The following VWDE variants were observed in gnomAD, a reference collection of about 807,000 sequenced individuals.
VWDE encodes von Willebrand factor D and EGF domains.
Under a neutral mutation model 178.4 loss-of-function variants are expected in VWDE, and 207 were observed. The ratio of observed to expected loss-of-function variants is 1.16; its 90% CI spans 1.04 to 1.30. The LOEUF (loss-of-function observed/expected upper bound fraction) is 1.30. Ranked by LOEUF, VWDE falls within the 50% of genes most tolerant of loss-of-function variation. The pLI, the probability that VWDE is intolerant of heterozygous loss-of-function variation, is 0.00. For synonymous variants in VWDE, 738 were observed against 651.4 expected (o/e 1.13, Z -2.02); for missense variants, 2,287 against 1,901.3 (o/e 1.20, Z -3.77).
intron 27 of VWDE, 127 bp from the exon 28 acceptor site, chr7:12,333,695 C>A: frequency 1.6e-6 from 1 of 644,972 alleles, no homozygotes; most frequent in East Asian, 2.8e-5. Flanking sequence ...TATTAATGAA[C>A]CATCAATGAA....
chr7:12,361,495 T>C lies in VWDE; in HGVS notation c.2925A>G (p.Gly975=), dbSNP rs1251134224. The C allele has an allele frequency of 6.5e-7, 1 of 1,549,398 alleles. No homozygotes were observed. The highest frequency in any genetic ancestry group is 8.7e-7 in the Non-Finnish European group (1 of 1,146,080). The change falls in exon 14 of 29, where the codon GGA becomes GGG. Residue 975 remains glycine, a synonymous_variant. Transcript: ENST00000275358. ...LQYNSSEWMP[G]EPIYTQTVFH... Reference sequence around the variant, plus strand: ...AAACAGTCTGTGTATAGATGGGTTCTCCAGGCATCCATTCACTGCTATTAT... The same window carrying C: ...AAACAGTCTGTGTATAGATGGGTTCCCCAGGCATCCATTCACTGCTATTAT...
rs1220562002 is a variant in VWDE at position 12,370,759 on chromosome 7, A to G, written c.1693T>C (p.Cys565Arg). ...TCCGGATTTTCATCAAAGGTTCCAC[A>G]AAGTCCCAGAGTGTTTCTGTAATCT... ...SVDYRNTLGL[C>R]GTFDENPEND... Residue 565 changes from cysteine (C) to arginine (R), a missense_variant, in exon 11 of 29, where the codon TGT becomes CGT. Transcript: ENST00000275358. The G allele has an allele frequency of 6.5e-7, 1 of 1,550,104 alleles. No homozygotes were observed. Among genetic ancestry groups the G allele is most frequent in the East Asian group, 2.4e-5 (1 of 40,840 alleles).
chr7:12,384,985 G>C (rs1229499495), intron 3 of VWDE, among the ~76,000 whole-genome samples: 1 of 152,036 alleles, frequency 6.6e-6, no homozygotes, highest in Non-Finnish European at 1.5e-5. Flanking sequence ...GACCTAACTA[G>C]CTTGCTAAGT....
intron 19 of VWDE, among the ~76,000 whole-genome samples, chr7:12,350,449 T>C (rs990346412): frequency 2.0e-5 from 3 of 152,068 alleles, no homozygotes; most frequent in Non-Finnish European, 4.4e-5. Context: ...CCACTCCCAA[T>C]TTAAAACTAG....
chr7:12,381,133 C>G (rs577704709), intron 4 of VWDE, among the ~76,000 whole-genome samples: 1 of 152,284 alleles, frequency 6.6e-6, no homozygotes, highest in South Asian at 2.1e-4. Context: ...ATTACTTTCT[C>G]TCTTACTGTT....
intron 2 of VWDE, 93 bp from the exon 3 acceptor site, chr7:12,389,451 A>T (rs1223738316): frequency 3.4e-6 from 3 of 892,142 alleles, no homozygotes; most frequent in Non-Finnish European, 5.1e-6. Context: ...ATCAAGCCTT[A>T]AAATATCATT....
At chr7:12,398,759 G>A (rs848000) in intron 1 of VWDE, among the ~76,000 whole-genome samples, 8,747 of 152,120 alleles carry the variant, frequency 0.058, 327 homozygotes, top group Middle Eastern at 0.11. Flanking sequence ...GGATGCAAAC[G>A]GAGGCCATTA....
rs1031069645 is a variant in VWDE at position 12,367,312 on chromosome 7, G to A, written c.2898+45C>T. On this transcript the variant is annotated intron_variant, in intron 13 of 28. Transcript: ENST00000275358. ...TTAATCCAAGATAATATTAATCTGA[G>A]TATCTCATACACTCTATTGTTTCTG... 6 of 1,404,312 alleles carry A rather than the reference G, an allele frequency of 4.3e-6. No individual in the cohort carries two copies. In the East Asian group the frequency reaches 1.3e-4, roughly 32 times the overall value. 87.0% of individuals were successfully genotyped at this position (1,404,312 alleles called of 1,614,324 possible).
At chr7:12,351,549 A>AT in intron 19 of VWDE, 24 bp downstream of exon 19, 2 of 1,529,140 alleles carry the variant, frequency 1.3e-6, no homozygotes, top group Non-Finnish European at 1.8e-6. Context: ...TTGTCATTAG[A>AT]TTTTAACTAT....
chr7:12,349,773 A>G (rs981596098), intron 19 of VWDE, among the ~76,000 whole-genome samples: 2 of 152,062 alleles, frequency 1.3e-5, no homozygotes, highest in African/African-American at 4.8e-5. Context: ...TCTATCTAGG[A>G]AAAATCAAAA....
At chr7:12,352,848 C>T (rs547341107) in intron 18 of VWDE, among the ~76,000 whole-genome samples, 29 of 152,230 alleles carry the variant, frequency 1.9e-4, no homozygotes, top group African/African-American at 6.3e-4. Flanking sequence ...TTAGTTTTTT[C>T]TCTTTTAATC....
At chr7:12,344,646 C>T (rs1413037588) in intron 19 of VWDE, among the ~76,000 whole-genome samples, 177 bp from the exon 20 acceptor site, 1 of 152,058 alleles carries the variant, frequency 6.6e-6, no homozygotes, top group Non-Finnish European at 1.5e-5. Flanking sequence ...TAAGTTTAGT[C>T]TCAAACAAGC....
intron 24 of VWDE, 84 bp from the exon 25 acceptor site, chr7:12,337,356 A>G (rs912433895): frequency 8.8e-6 from 10 of 1,136,584 alleles, no homozygotes; most frequent in South Asian, 5.3e-5. Context: ...CTTGTCATCA[A>G]TGAGGACATA....
intron 1 of VWDE, 149 bp downstream of exon 1, chr7:12,403,510 A>C (rs770395670): frequency 1.0e-5 from 7 of 682,548 alleles, no homozygotes; most frequent in Non-Finnish European, 1.6e-5. Context: ...GCAGAGGGAC[A>C]GAGAGGAGGC....
chr7:12,334,588 G>T (rs1024363043), intron 27 of VWDE, among the ~76,000 whole-genome samples: 1 of 152,154 alleles, frequency 6.6e-6, no homozygotes, highest in African/African-American at 2.4e-5. Context: ...CCAACAGATG[G>T]TAGTAACATA....
chr7:12,358,439 A>G (rs1782391876), intron 16 of VWDE, among the ~76,000 whole-genome samples: 3 of 152,008 alleles, frequency 2.0e-5, no homozygotes, highest in Non-Finnish European at 2.9e-5. Flanking sequence ...CTCATGAAAC[A>G]ACTGAAAATC....
At chr7:12,344,151 C>T (rs964538310) in intron 21 of VWDE, 44 bp downstream of exon 21, 4 of 1,482,082 alleles carry the variant, frequency 2.7e-6, no homozygotes, top group South Asian at 2.5e-5. Context: ...GAAAATTATG[C>T]TATATTTTAG....
chr7:12,389,399 T>A (rs1583347467), intron 2 of VWDE, 41 bp from the exon 3 acceptor site: 2 of 1,398,050 alleles, frequency 1.4e-6, no homozygotes, highest in Non-Finnish European at 2.0e-6. Context: ...ATTCAGTTTA[T>A]TTTCATCCAT....
chr7:12,388,933 G>GA, intron 3 of VWDE, 194 bp downstream of exon 3: 3 of 709,330 alleles, frequency 4.2e-6, no homozygotes, highest in Non-Finnish European at 7.9e-6. Context: ...CGTGTGGGGG[G>GA]ACTTTACAAT....
Sources: gnomAD v4.1 joint callset for allele counts (sites outside exome capture counted in the v4.1 genomes callset) on GRCh38, gnomAD v4.1.1 for gene constraint, MANE v1.5 for transcripts, NCBI Gene and HGNC (gene_info 2026-07-23, HGNC 2026-07-21) for gene names.